HMCN1: variants seen among roughly 807,000 people sequenced by gnomAD.
HMCN1 encodes the protein hemicentin-1.
A neutral mutation model predicts 625.9 loss-of-function variants in HMCN1; 321 were observed. The ratio of observed to expected loss-of-function variants is 0.51; its 90% CI spans 0.47 to 0.56. HMCN1 has a LOEUF of 0.56. HMCN1 is among the 20% of genes least tolerant of loss of function. HMCN1 has a pLI of 0.00. For synonymous variants in HMCN1, 2,425 were observed against 2,417.6 expected, an observed-to-expected ratio of 1.00 and a Z score of -0.09; for missense variants, 6,588 against 6,887.3, an observed-to-expected ratio of 0.96 and a Z score of 1.54.
intron 10 of HMCN1, among the ~76,000 whole-genome samples, chr1:185,932,849 A>G (rs1667622710): frequency 6.6e-6 from 1 of 152,144 alleles, no homozygotes; most frequent in Non-Finnish European, 1.5e-5. Context: ...AAGTAAAATA[A>G]TAAAAAGAAC....
chr1:186,123,644 A>G (rs1195813976), intron 81 of HMCN1, among the ~76,000 whole-genome samples: 1 of 152,194 alleles, frequency 6.6e-6, no homozygotes, highest in Non-Finnish European at 1.5e-5. Context: ...GATTCATTAT[A>G]TTAAAGTGGC....
chr1:186,069,687 A>G lies in HMCN1; in HGVS notation c.7904A>G (p.Asn2635Ser), dbSNP rs868399606. Residue 2635 changes from asparagine (N) to serine (S), a missense_variant, in exon 51 of 107, where the codon AAT (asparagine) becomes AGT (serine). Around this residue, in one of 3 missense-constraint regions of HMCN1, gnomAD observed 4,628 missense variants for 4,853.1 expected, o/e 0.95. Coordinates refer to ENST00000271588, the MANE Select transcript of HMCN1 (RefSeq NM_031935.3). Reference protein sequence around the residue: ...LPGGRTLQILNAQEDNAGRYS... With the variant: ...LPGGRTLQILSAQEDNAGRYS... ...GGAGGCAGAACTCTGCAGATCCTCA[A>G]TGCACAGGAGGACAATGCTGGAAGA... is the stretch of plus-strand genomic sequence containing the variant. The G allele has an allele frequency of 1.2e-6, 2 of 1,612,734 alleles. No individual in the cohort carries two copies. The highest frequency in any genetic ancestry group is 1.7e-6 in the Non-Finnish European group (2 of 1,179,372).
chr1:186,145,432 T>G lies in HMCN1; in HGVS notation c.14296T>G (p.Trp4766Gly). 1 of 1,597,420 alleles carries G rather than the reference T, an allele frequency of 6.3e-7. No homozygotes were observed. The highest frequency in any genetic ancestry group is 8.5e-7 in the Non-Finnish European group (1 of 1,170,838). Residue 4766 changes from tryptophan to glycine, a missense_variant, in exon 92 of 107, where the codon TGG becomes GGG. This residue lies in a region of HMCN1 where 1,954 missense variants were observed against 2,013.1 expected (regional missense o/e 0.97). Transcript: ENST00000271588. Reference sequence around the variant, plus strand: ...TGGTAACTGGAGTCCTTGGAGTGGCTGGGGAACATGCAGCCGGACGTGTAA... The same window carrying G: ...TGGTAACTGGAGTCCTTGGAGTGGCGGGGGAACATGCAGCCGGACGTGTAA... ...THGNWSPWSG[W>G]GTCSRTCNGG...
intron 34 of HMCN1, 84 bp from the exon 35 acceptor site, chr1:186,019,457 A>C (rs1654572535): frequency 4.3e-6 from 4 of 928,688 alleles, no homozygotes; most frequent in Non-Finnish European, 7.0e-6. Flanking sequence ...CTAAATTTTA[A>C]GGTTTCAGGT....
intron 1 of HMCN1, among the ~76,000 whole-genome samples, chr1:185,768,100 T>C (rs139698710): frequency 1.3e-5 from 2 of 152,312 alleles, no homozygotes; most frequent in Admixed American, 6.5e-5. Context: ...ATATAGTTTC[T>C]ACTTTTTGCA....
intron 71 of HMCN1, among the ~76,000 whole-genome samples, chr1:186,110,974 A>ATTTTTTTTTTTTTTTTTTTTTTTT (rs778503338): frequency 8.3e-5 from 5 of 59,952 alleles, no homozygotes; most frequent in Middle Eastern, 6.8e-3. Flanking sequence ...ACCAGAGAAA[A>ATTTTTTTTTTTTTTTTTTTTTTTT]TTCTTTTTTT....
At chr1:185,918,150 G>T (rs1364703947) in intron 6 of HMCN1, among the ~76,000 whole-genome samples, 2 of 152,130 alleles carry the variant, frequency 1.3e-5, no homozygotes, top group African/African-American at 4.8e-5. Context: ...TGCAAGCTGG[G>T]GAAGAAAGAA....
rs775036108 is a variant in HMCN1 at position 186,063,067 on chromosome 1, CATAT to C, written c.7513+500_7513+503del. 7.7e-3 allele frequency among the ~76,000 whole-genome samples: 463 copies of C among 59,820 alleles called. 7 individuals carry two copies. The highest frequency in any genetic ancestry group is 0.01 in the African/African-American group (107 of 10,476). 39.2% of individuals were successfully genotyped at this position (59,820 alleles called of 152,430 possible). On this transcript the variant is annotated intron_variant, in intron 48 of 106. Transcript: ENST00000271588. The stretch of plus-strand genomic sequence containing the variant: ...GTGTGTGTGTGTGTGTGTGTGTGTG[CATAT>C]ATATATATATATATATATATATATA...
chr1:186,145,302 G>T, intron 91 of HMCN1, 101 bp from the exon 92 acceptor site: 1 of 1,222,890 alleles, frequency 8.2e-7, no homozygotes, highest in East Asian at 2.4e-5. Flanking sequence ...TTTAGGTGCT[G>T]AGAAGAGACT....
chr1:186,029,814 A>G (rs1312879512), intron 36 of HMCN1, among the ~76,000 whole-genome samples: 1 of 151,502 alleles, frequency 6.6e-6, no homozygotes, highest in Non-Finnish European at 1.5e-5. Context: ...CTTAAGGTAG[A>G]ATGTTAGGTT....
intron 67 of HMCN1, 67 bp from the exon 68 acceptor site, chr1:186,095,176 T>C: frequency 6.8e-7 from 1 of 1,464,300 alleles, no homozygotes; most frequent in East Asian, 2.3e-5. Flanking sequence ...TATTCAAATG[T>C]TTTAATTTAA....
Position 186,000,255 on chromosome 1 carries a change from A to C in HMCN1, c.4069+16A>C. The stretch of plus-strand genomic sequence containing the variant: ...AAAGTCCATGGTAAATGTAGCTAAA[A>C]TCATGTAACTGACTGTTTGCCAGTC... On this transcript the variant is annotated intron_variant, in intron 26 of 106. Transcript: ENST00000271588. 1 of 1,589,592 alleles carries C rather than the reference A, an allele frequency of 6.3e-7. No individual in the cohort carries two copies. The highest frequency in any genetic ancestry group is 8.6e-7 in the Non-Finnish European group (1 of 1,158,326).
chr1:185,873,713 TTTG>T (rs1663770254), intron 4 of HMCN1, among the ~76,000 whole-genome samples: 1 of 151,984 alleles, frequency 6.6e-6, no homozygotes, highest in Admixed American at 6.6e-5. Flanking sequence ...ATGCAAAAGG[TTTG>T]TTATTACATC....
intron 89 of HMCN1, among the ~76,000 whole-genome samples, chr1:186,141,041 G>A (rs375508242): frequency 1.3e-5 from 2 of 152,122 alleles, no homozygotes; most frequent in South Asian, 4.1e-4. Context: ...GCAACTAGAA[G>A]GTCCTTTCTG....
chr1:185,757,036 G>A (rs142575896), intron 1 of HMCN1, among the ~76,000 whole-genome samples: 5,946 of 152,166 alleles, frequency 0.039, 339 homozygotes, highest in African/African-American at 0.13. Flanking sequence ...GCACAATGGC[G>A]CAATCTCGGC....
At chr1:185,791,074 T>G (rs749535026) in intron 1 of HMCN1, among the ~76,000 whole-genome samples, 2 of 152,198 alleles carry the variant, frequency 1.3e-5, no homozygotes, top group African/African-American at 2.4e-5. Flanking sequence ...TACTCATACT[T>G]TGGATTCAGC....
At chr1:185,990,165 AT>A (rs1652323311) in intron 21 of HMCN1, 109 bp from the exon 22 acceptor site, 1 of 985,322 alleles carries the variant, frequency 1.0e-6, no homozygotes, top group Non-Finnish European at 1.6e-6. Flanking sequence ...CCTGAATAGC[AT>A]CTTTTTATAA....
In HMCN1 at chr1:186,001,600, G is replaced by A. The variant is rs745610989; in HGVS notation, c.4207G>A (p.Glu1403Lys). ...MWYKDNVQVT[E>K]SSTIQTVNNG... ...ACCATTTTGGCCCTTAAAGGTGACT[G>A]AAAGCAGCACTATTCAGACTGTGAA... The change falls in exon 28 of 107, where the codon GAA becomes AAA. Residue 1403 changes from glutamate to lysine, a missense_variant. This residue lies in a region of HMCN1 where 4,628 missense variants were observed against 4,853.1 expected (regional missense o/e 0.95). Transcript: ENST00000271588. 9 of 1,613,048 alleles carry A rather than the reference G, an allele frequency of 5.6e-6. No individual in the cohort carries two copies. Among genetic ancestry groups the A allele is most frequent in the Non-Finnish European group, 7.6e-6 (9 of 1,179,270 alleles).
At chr1:186,073,874 A>G (rs77601710) in intron 52 of HMCN1, among the ~76,000 whole-genome samples, 226 of 152,224 alleles carry the variant, frequency 1.5e-3, no homozygotes, top group African/African-American at 5.1e-3. Flanking sequence ...AACTGAGATT[A>G]TGAAGGAGCA....
Sources: gnomAD v4.1 joint callset for allele counts (sites outside exome capture counted in the v4.1 genomes callset) on GRCh38, gnomAD v4.1.1 for gene constraint, gnomAD v4.1.1 regional missense constraint, MANE v1.5 for transcripts, NCBI Gene and HGNC (gene_info 2026-07-23, HGNC 2026-07-21) for gene names.